The following SMG6 variants were observed in gnomAD, a reference collection of about 807,000 sequenced individuals.
SMG6 encodes the protein telomerase-binding protein EST1A.
SMG6 carries 66 observed loss-of-function variants against 142.2 expected under a neutral mutation model. That is an observed-to-expected ratio of 0.46 (90% CI 0.38 to 0.57). The LOEUF (loss-of-function observed/expected upper bound fraction) is 0.57, where lower values mean the gene tolerates loss of function less well. Ranked by LOEUF, SMG6 falls within the 20% of genes least tolerant of loss-of-function variation. The pLI, the probability that SMG6 is intolerant of heterozygous loss-of-function variation, is 0.00. For missense variants in SMG6, 1,793 were observed against 1,832.0 expected (o/e 0.98, Z 0.39); for synonymous variants, 779 against 702.4 (o/e 1.11, Z -1.72).
Position 2,297,282 on chromosome 17 carries a change from C to T in SMG6, c.2112G>A (p.Met704Ile). The change falls in exon 4 of 19, where the codon ATG becomes ATA. Residue 704 changes from methionine to isoleucine, a missense_variant. By Grantham distance (10) the Met-to-Ile change is conservative. Coordinates refer to ENST00000263073, the MANE Select transcript of SMG6 (RefSeq NM_017575.5). ...VTYKFKLEDY[M>I]DGLAIRSKPL... is the part of the protein sequence containing the mutation. The stretch of plus-strand genomic sequence containing the variant: ...GCTTGCTGCGAATGGCAAGACCATC[C>T]ATGTAGTCTTCCAGTTTGAACTTGT... 1 of 1,613,314 alleles carries T rather than the reference C, an allele frequency of 6.2e-7. No homozygotes were observed. The highest frequency in any genetic ancestry group is 8.5e-7 in the Non-Finnish European group (1 of 1,179,596).
At chr17:2,074,583 ATTTG>A (rs2068204924) in intron 15 of SMG6, among the ~76,000 whole-genome samples, 1 of 152,180 alleles carries the variant, frequency 6.6e-6, no homozygotes. Flanking sequence ...AACTATGGCA[ATTTG>A]TTTGCTATTT....
intron 10 of SMG6, among the ~76,000 whole-genome samples, chr17:2,192,809 G>A (rs922143076): frequency 4.6e-5 from 7 of 152,192 alleles, no homozygotes; most frequent in Admixed American, 2.6e-4. Flanking sequence ...AGAGTTCCCC[G>A]TGGCAGCTGC....
chr17:2,148,811 A>ATGGG (rs2070743216), intron 13 of SMG6, among the ~76,000 whole-genome samples: 1 of 151,764 alleles, frequency 6.6e-6, no homozygotes, highest in Non-Finnish European at 1.5e-5. Flanking sequence ...GTGAGCTGAG[A>ATGGG]TGGCACCACT....
At chr17:2,089,305 C>T (rs2068649778) in intron 13 of SMG6, among the ~76,000 whole-genome samples, 1 of 152,084 alleles carries the variant, frequency 6.6e-6, no homozygotes. Context: ...GCTACATTAG[C>T]ACGTGGGGCT....
intron 18 of SMG6, among the ~76,000 whole-genome samples, chr17:2,064,236 A>G (rs972299088): frequency 2.0e-5 from 3 of 152,296 alleles, no homozygotes; most frequent in Admixed American, 2.0e-4. Context: ...AGCTCTGCAG[A>G]TGACACAGAG....
intron 10 of SMG6, among the ~76,000 whole-genome samples, chr17:2,208,244 C>A (rs1441564880): frequency 6.6e-6 from 1 of 152,200 alleles, no homozygotes; most frequent in Non-Finnish European, 1.5e-5. Context: ...CTCCTACCCC[C>A]ACTCTCCACA....
At chr17:2,122,145 G>T (rs1215722511) in intron 13 of SMG6, among the ~76,000 whole-genome samples, 1 of 152,048 alleles carries the variant, frequency 6.6e-6, no homozygotes, top group Non-Finnish European at 1.5e-5. Context: ...AAGAAAAAAT[G>T]GATGGATGGG....
At chr17:2,198,744 G>A (rs973016526) in intron 10 of SMG6, among the ~76,000 whole-genome samples, 2 of 151,986 alleles carry the variant, frequency 1.3e-5, no homozygotes, top group Non-Finnish European at 2.9e-5. Flanking sequence ...CAGCATTCCA[G>A]AAAGTTTTAC....
intron 15 of SMG6, among the ~76,000 whole-genome samples, chr17:2,072,265 G>C (rs2068125230): frequency 6.6e-6 from 1 of 152,162 alleles, no homozygotes; most frequent in South Asian, 2.1e-4. Context: ...CGGAAGGAGA[G>C]TTCCACAGGA....
At chr17:2,120,104 G>T (rs755031989) in intron 13 of SMG6, among the ~76,000 whole-genome samples, 1 of 152,234 alleles carries the variant, frequency 6.6e-6, no homozygotes, top group Non-Finnish European at 1.5e-5. Flanking sequence ...CACCGCGCCC[G>T]GCCTCCATAC....
Position 2,299,910 on chromosome 17 carries a change from G to T in SMG6, c.843C>A (p.Arg281=), listed in dbSNP as rs1045394839. The T allele has an allele frequency of 1.2e-6, 2 of 1,611,448 alleles. No individual in the cohort carries two copies. Among genetic ancestry groups the T allele is most frequent in the African/African-American group, 2.7e-5 (2 of 75,018 alleles). The change falls in exon 2 of 19, where the codon CGC becomes CGA. Residue 281 remains arginine, a synonymous_variant. Transcript: ENST00000263073. This position sits in a 1 kb window ranked among gnomAD's most constrained non-coding sequence, Gnocchi z 4.3. ...AGLTDNGCRR[R]RQDRTKERPR... ...GCCTCTCCTTGGTCCTATCCTGTCG[G>T]CGGCGGCGACATCCATTATCCGTCA... is the stretch of plus-strand genomic sequence containing the variant.
intron 14 of SMG6, 148 bp from the exon 15 acceptor site, chr17:2,082,104 T>TGAGTAGAGGGAAGC: frequency 1.4e-6 from 1 of 730,312 alleles, no homozygotes; most frequent in Non-Finnish European, 2.2e-6. Flanking sequence ...TGCTTCCCTC[T>TGAGTAGAGGGAAGC]ACTCAGGCAA....
At chr17:2,293,375 T>C (rs556434805) in intron 4 of SMG6, among the ~76,000 whole-genome samples, 4 of 152,206 alleles carry the variant, frequency 2.6e-5, no homozygotes, top group Admixed American at 2.6e-4. Flanking sequence ...GTAACTACTC[T>C]ATAGGGTAAC....
intron 15 of SMG6, among the ~76,000 whole-genome samples, chr17:2,075,102 C>G (rs1360899536): frequency 2.6e-5 from 4 of 152,228 alleles, no homozygotes; most frequent in African/African-American, 9.6e-5. Context: ...TGGTGCTGTG[C>G]TGGCTCCCAC....
intron 13 of SMG6, among the ~76,000 whole-genome samples, chr17:2,172,148 T>C (rs2071522673): frequency 6.6e-6 from 1 of 152,008 alleles, no homozygotes; most frequent in Non-Finnish European, 1.5e-5. Context: ...GGAAGGAAAA[T>C]AGAAACCAGG....
chr17:2,128,682 G>T (rs1300661795), intron 13 of SMG6, among the ~76,000 whole-genome samples: 1 of 151,986 alleles, frequency 6.6e-6, no homozygotes, highest in Non-Finnish European at 1.5e-5. Flanking sequence ...AAATTAGCTG[G>T]GCGTGGTGGC....
At position 2,065,166 on chromosome 17, in the gene SMG6, C is replaced by T. The variant is rs755424929; in HGVS notation, c.4048-12G>A. Reference sequence around the variant, plus strand: ...TCATCGTTGTTACCCTGGAGGAAGACGTGTGTGAGAAGCACCACTGGGCAG... The same window carrying T: ...TCATCGTTGTTACCCTGGAGGAAGATGTGTGTGAGAAGCACCACTGGGCAG... On this transcript the variant is annotated splice_polypyrimidine_tract_variant and intron_variant, in intron 17 of 18. Transcript: ENST00000263073. The T allele has an allele frequency of 3.2e-5, 51 of 1,608,200 alleles. No individual in the cohort carries two copies. Among genetic ancestry groups the T allele is most frequent in the South Asian group, 1.7e-4 (15 of 90,886 alleles).
chr17:2,278,067 T>C (rs78828892), intron 8 of SMG6, among the ~76,000 whole-genome samples: 3,135 of 152,274 alleles, frequency 0.021, 61 homozygotes, highest in South Asian at 0.072. Flanking sequence ...AATTTTATAA[T>C]GCATTTCATG....
At chr17:2,194,783 A>T (rs1403204921) in intron 10 of SMG6, among the ~76,000 whole-genome samples, 1 of 152,130 alleles carries the variant, frequency 6.6e-6, no homozygotes, top group Non-Finnish European at 1.5e-5. Flanking sequence ...AGGGGTGAAG[A>T]CTGCTGGAGC....
Sources: gnomAD v4.1 joint callset for allele counts (sites outside exome capture counted in the v4.1 genomes callset) on GRCh38, gnomAD v4.1.1 for gene constraint, Gnocchi (gnomAD v3.1) non-coding constraint, MANE v1.5 for transcripts, NCBI Gene and HGNC (gene_info 2026-07-23, HGNC 2026-07-21) for gene names.